The following MBTPS2 variants were observed in gnomAD, a reference collection of about 807,000 sequenced individuals.
MBTPS2 encodes membrane-bound transcription factor site-2 protease.
In MBTPS2, 2 loss-of-function variants were observed where a neutral mutation model predicts 35.4. That is an observed-to-expected ratio of 0.06 (90% CI 0.02 to 0.18). The LOEUF is 0.18. MBTPS2 is among the 10% of genes least tolerant of loss of function. The pLI is 1.00. For missense variants in MBTPS2, 244 were observed against 386.5 expected, an observed-to-expected ratio of 0.63 and a Z score of 3.09; for synonymous variants, 125 against 140.4, an observed-to-expected ratio of 0.89 and a Z score of 0.77.
intron 5 of MBTPS2, among the ~76,000 whole-genome samples, chrX:21,860,557 T>C (rs1235166875): frequency 1.8e-5 from 2 of 112,297 alleles, no homozygotes; most frequent in African/African-American, 6.5e-5. Context: ...ATGAAAGAAA[T>C]GTTTGTGCTC....
At chrX:21,862,867 A>C (rs1387522537) in intron 5 of MBTPS2, among the ~76,000 whole-genome samples, 1 of 89,660 alleles carries the variant, frequency 1.1e-5, no homozygotes, top group East Asian at 3.6e-4. Context: ...CATATATATA[A>C]ACATATATAA....
intron 4 of MBTPS2, among the ~76,000 whole-genome samples, chrX:21,852,338 A>T (rs1254707370): frequency 2.7e-5 from 3 of 111,937 alleles, no homozygotes; most frequent in African/African-American, 6.5e-5. Context: ...TGGACCAGAG[A>T]AAAGGTTAAA....
At chrX:21,856,277 TCTCGCGCCTTTCTCTGCAG>T (rs6151265) in intron 5 of MBTPS2, 46,429 of 384,223 alleles carry the variant, frequency 0.12, 6,840 homozygotes, top group East Asian at 0.21. Context: ...CTTTCCTCAG[TCTCGCGCCTTTCTCTGCAG>T]CTCGCGCCTT....
intron 5 of MBTPS2, chrX:21,857,587 C>T: frequency 8.3e-7 from 1 of 1,202,955 alleles, no homozygotes; most frequent in Non-Finnish European, 1.1e-6. Flanking sequence ...CATGTGAAGA[C>T]CAAAAACAAC....
intron 5 of MBTPS2, chrX:21,857,630 G>T (rs748669111): frequency 1.7e-6 from 2 of 1,175,406 alleles, no homozygotes. Context: ...CTCAGACTTG[G>T]GAATTATCTT....
intron 7 of MBTPS2, among the ~76,000 whole-genome samples, chrX:21,876,871 C>T (rs2092953738): frequency 1.8e-5 from 2 of 112,115 alleles, no homozygotes; most frequent in Admixed American, 1.9e-4. Context: ...CTCCTGAAAG[C>T]ACTCTTGTAA....
intron 5 of MBTPS2, chrX:21,856,341 CCTTTCTCTGCAGCTCGCG>C (rs1251704644): frequency 7.4e-5 from 40 of 541,758 alleles, no homozygotes; most frequent in Admixed American, 3.2e-4. Context: ...GCAGCTCGCG[CCTTTCTCTGCAGCTCGCG>C]CCTTTCTCTG....
chrX:21,860,457 C>G (rs1415937634), intron 5 of MBTPS2, among the ~76,000 whole-genome samples: 1 of 112,168 alleles, frequency 8.9e-6, no homozygotes. Context: ...TTAAGAAACC[C>G]TGCTGTAGAA....
At chrX:21,866,852 C>A in intron 5 of MBTPS2, among the ~76,000 whole-genome samples, 1 of 108,924 alleles carries the variant, frequency 9.2e-6, no homozygotes, top group Non-Finnish European at 1.9e-5. Context: ...CATGGTGAAA[C>A]CCTGTCTCTA....
At chrX:21,857,342 A>G (rs1219367910) in intron 5 of MBTPS2, 1 of 1,212,442 alleles carries the variant, frequency 8.2e-7, no homozygotes, top group South Asian at 1.8e-5. Context: ...ACGTATGTGC[A>G]GAATGTGGCA....
At chrX:21,866,505 A>G (rs2092939937) in intron 5 of MBTPS2, among the ~76,000 whole-genome samples, 1 of 111,847 alleles carries the variant, frequency 8.9e-6, no homozygotes, top group African/African-American at 3.2e-5. Context: ...TATCTGAAAG[A>G]AACAGATCAT....
At position 21,884,224 on chromosome X, in the gene MBTPS2, G is replaced by T; in HGVS notation, c.*1569G>T. The T allele has an allele frequency of 7.1e-6, 5 of 708,290 alleles. No individual in the cohort carries two copies. The highest frequency in any genetic ancestry group is 8.4e-6 in the Non-Finnish European group (5 of 597,314). The allele number at this position is 708,290 out of a possible 1,213,427, so 58.4% of individuals were successfully genotyped here. ...GTTAATACCAGTACTAAAACCATAC[G>T]AATTATTGGTTTATTCCAGAAAATA... On this transcript the variant is annotated 3_prime_UTR_variant, in exon 11 of 11. Coordinates refer to ENST00000379484, the MANE Select transcript of MBTPS2 (RefSeq NM_015884.4).
intron 5 of MBTPS2, 109 bp downstream of exon 5, chrX:21,853,612 G>T: frequency 1.3e-6 from 1 of 779,340 alleles, no homozygotes; most frequent in Non-Finnish European, 1.9e-6. Context: ...TTATCTTTTG[G>T]TTAATAACTT....
chrX:21,856,518 G>A, intron 5 of MBTPS2: 1 of 1,210,810 alleles, frequency 8.3e-7, no homozygotes, highest in South Asian at 1.8e-5. Flanking sequence ...CATCACACAA[G>A]ACCTGGAGAT....
intron 3 of MBTPS2, among the ~76,000 whole-genome samples, chrX:21,848,911 A>G (rs1304413810): frequency 8.9e-6 from 1 of 112,391 alleles, no homozygotes. Context: ...AAAGGCCTTG[A>G]AAGAAAAGAC....
intron 5 of MBTPS2, among the ~76,000 whole-genome samples, chrX:21,867,795 T>C (rs1036870839): frequency 1.2e-4 from 13 of 109,973 alleles, no homozygotes; most frequent in Admixed American, 2.9e-4. Flanking sequence ...CGCGCCACCA[T>C]GCCTGGCTAA....
intron 5 of MBTPS2, among the ~76,000 whole-genome samples, chrX:21,865,252 T>C (rs189783433): frequency 9.1e-6 from 1 of 110,386 alleles, no homozygotes; most frequent in East Asian, 2.8e-4. Context: ...CCACTAAACA[T>C]CTGTCTGAAA....
chrX:21,856,572 C>G (rs551538589), intron 5 of MBTPS2: 1 of 1,210,478 alleles, frequency 8.3e-7, no homozygotes, highest in African/African-American at 1.7e-5. Context: ...TGTGGAGCCC[C>G]TTCCTATGGA....
At chrX:21,861,685 C>T (rs1479036949) in intron 5 of MBTPS2, among the ~76,000 whole-genome samples, 5 of 105,778 alleles carry the variant, frequency 4.7e-5, no homozygotes, top group Admixed American at 2.1e-4. Flanking sequence ...GGCAATAGAG[C>T]GAGACTGTCT....
Sources: gnomAD v4.1 joint callset for allele counts (sites outside exome capture counted in the v4.1 genomes callset) on GRCh38, gnomAD v4.1.1 for gene constraint, MANE v1.5 for transcripts, NCBI Gene and HGNC (gene_info 2026-07-23, HGNC 2026-07-21) for gene names.